ITPKA: variants seen among roughly 807,000 people sequenced by gnomAD.
The protein encoded by ITPKA is inositol-trisphosphate 3-kinase A.
ITPKA carries 16 observed loss-of-function variants against 40.7 expected under a neutral mutation model. The ratio of observed to expected loss-of-function variants is 0.39; its 90% CI spans 0.27 to 0.60. ITPKA has a LOEUF of 0.60. ITPKA is among the 20% of genes least tolerant of loss of function. ITPKA has a pLI of 0.50. For missense variants in ITPKA, 540 were observed against 649.3 expected, an observed-to-expected ratio of 0.83 and a Z score of 1.83; for synonymous variants, 313 against 289.9, an observed-to-expected ratio of 1.08 and a Z score of -0.81.
intron 1 of ITPKA, among the ~76,000 whole-genome samples, chr15:41,496,666 T>G (rs2051074790): frequency 6.6e-6 from 1 of 152,150 alleles, no homozygotes; most frequent in Admixed American, 6.5e-5. Flanking sequence ...CCAGGATAGG[T>G]AAGGAGACCT....
chr15:41,501,396 T>G (rs1227709335), intron 1 of ITPKA, 67 bp from the exon 2 acceptor site: 1 of 1,545,222 alleles, frequency 6.5e-7, no homozygotes, highest in Non-Finnish European at 8.7e-7. Flanking sequence ...AGACCCTGTT[T>G]CAGTGGAGGG....
Position 41,494,376 on chromosome 15 carries a change from G to C in ITPKA, c.449G>C (p.Arg150Pro). The C allele has an allele frequency of 6.7e-7, 1 of 1,496,882 alleles. No individual in the cohort carries two copies. Among genetic ancestry groups the C allele is most frequent in the Non-Finnish European group, 8.9e-7 (1 of 1,126,814 alleles). 92.7% of individuals were successfully genotyped at this position (1,496,882 alleles called of 1,614,324 possible). A position where few individuals can be genotyped will look rare whatever the true frequency, so the allele number is the denominator to read the frequency against. Residue 150 changes from arginine to proline, a missense_variant, in exon 1 of 7, where the codon CGC becomes CCC. Coordinates refer to ENST00000260386, the MANE Select transcript of ITPKA (RefSeq NM_002220.3). This position sits in a 1 kb window ranked among gnomAD's most constrained non-coding sequence, Gnocchi z 7.8. ...DLLSDSESRS[R>P]GNVQLEAGED... is the part of the protein sequence containing the mutation. ...CTGAGCGACAGTGAGAGCCGGAGCC[G>C]CGGCAACGTGCAGCTGGAAGCGGGC... is the stretch of plus-strand genomic sequence containing the variant.
In ITPKA at chr15:41,501,990, C is replaced by T. The variant is rs187061864; in HGVS notation, c.804-7C>T. ...TCATGCCCTGGCCGCTGCCTGCGCC[C>T]CCACAGGACTTACCTAGAGGAGGAG... On this transcript the variant is annotated splice_region_variant and splice_polypyrimidine_tract_variant and intron_variant, in intron 3 of 6. Coordinates refer to ENST00000260386, the MANE Select transcript of ITPKA (RefSeq NM_002220.3). 613 of 1,611,218 alleles carry T rather than the reference C, an allele frequency of 3.8e-4. 2 individuals are homozygous for T. In the East Asian group the frequency reaches 0.013, roughly 34 times the overall value.
chr15:41,501,897 C>T (rs1201959000), intron 3 of ITPKA, 46 bp downstream of exon 3: 4 of 1,597,026 alleles, frequency 2.5e-6, no homozygotes, highest in African/African-American at 2.7e-5. Flanking sequence ...AGTAGGGGTC[C>T]GGGGCCGGGA....
chr15:41,502,247 G>C (rs753458365), intron 4 of ITPKA, 46 bp downstream of exon 4: 1 of 1,530,722 alleles, frequency 6.5e-7, no homozygotes, highest in Non-Finnish European at 8.8e-7. Context: ...CCCACTGCGC[G>C]CTGTCTTTCC....
intron 1 of ITPKA, among the ~76,000 whole-genome samples, chr15:41,495,959 G>C (rs2051067712): frequency 6.6e-6 from 1 of 152,158 alleles, no homozygotes; most frequent in Non-Finnish European, 1.5e-5. Flanking sequence ...GTCAAGCCTC[G>C]GGGACCTGGG....
Position 41,494,212 on chromosome 15 carries a change from C to T in ITPKA, c.285C>T (p.Ser95=), listed in dbSNP as rs1241309513. 26 of 1,532,724 alleles carry T rather than the reference C, an allele frequency of 1.7e-5. No individual in the cohort carries two copies. The highest frequency in any genetic ancestry group is 1.9e-4 in the Middle Eastern group (1 of 5,204). The allele number at this position is 1,532,724 out of a possible 1,614,324, so 94.9% of individuals were successfully genotyped here. A position where few individuals can be genotyped will look rare whatever the true frequency, so the allele number is the denominator to read the frequency against. The part of the protein sequence containing the change: ...TAEEPDVPPT[S]PGPPERERDC... ...AGGAGCCCGACGTGCCCCCGACCAG[C>T]CCTGGGCCGCCGGAGCGGGAGAGGG... The change falls in exon 1 of 7, where the codon AGC becomes AGT. Residue 95 remains serine (S), a synonymous_variant. Coordinates refer to ENST00000260386, the MANE Select transcript of ITPKA (RefSeq NM_002220.3). This position sits in a 1 kb window ranked among gnomAD's most constrained non-coding sequence, Gnocchi z 7.8.
At chr15:41,495,902 G>C (rs2051067434) in intron 1 of ITPKA, among the ~76,000 whole-genome samples, 1 of 152,264 alleles carries the variant, frequency 6.6e-6, no homozygotes, top group Non-Finnish European at 1.5e-5. Flanking sequence ...TGCGCTAGGA[G>C]GAGGTCCTGC....
intron 1 of ITPKA, among the ~76,000 whole-genome samples, chr15:41,496,632 A>G (rs2051074348): frequency 6.6e-6 from 1 of 152,158 alleles, no homozygotes; most frequent in Non-Finnish European, 1.5e-5. Context: ...GCTCCTGTTC[A>G]TCTGGTTTTC....
At position 41,494,051 on chromosome 15, in the gene ITPKA, T is replaced by C; in HGVS notation, c.124T>C (p.Cys42Arg). ...GCTGCGCCTGCTCTTCGAGGCGCGCTGTGCGGCGGTCGCTGCGGCCGCCGC... is the reference window on the plus strand; with the variant it reads ...GCTGCGCCTGCTCTTCGAGGCGCGCCGTGCGGCGGTCGCTGCGGCCGCCGC... Reference protein sequence around the residue: ...GELRLLFEARCAAVAAAAAAG... With the variant: ...GELRLLFEARRAAVAAAAAAG... The change falls in exon 1 of 7, where the codon TGT (cysteine) becomes CGT (arginine). Residue 42 changes from cysteine to arginine, a missense_variant. Transcript: ENST00000260386. This position sits in a 1 kb window ranked among gnomAD's most constrained non-coding sequence, Gnocchi z 7.8. The C allele has an allele frequency of 8.2e-7, 1 of 1,217,330 alleles. No homozygotes were observed. The highest frequency in any genetic ancestry group is 4.4e-5 in the Admixed American group (1 of 22,656). 75.4% of individuals were successfully genotyped at this position (1,217,330 alleles called of 1,614,324 possible). A position where few individuals can be genotyped will look rare whatever the true frequency, so the allele number is the denominator to read the frequency against.
At chr15:41,496,213 G>A (rs1279454783) in intron 1 of ITPKA, among the ~76,000 whole-genome samples, 1 of 152,264 alleles carries the variant, frequency 6.6e-6, no homozygotes, top group East Asian at 1.9e-4. Context: ...ACAGCGCGCC[G>A]GCCCAGGCCA....
chr15:41,499,877 CAAAA>C (rs944156910), intron 1 of ITPKA, among the ~76,000 whole-genome samples: 34 of 151,360 alleles, frequency 2.2e-4, no homozygotes, highest in African/African-American at 8.3e-4. Context: ...AAAACAAAAA[CAAAA>C]AACAAAAAAC....
chr15:41,495,658 T>C (rs1566856433), intron 1 of ITPKA, among the ~76,000 whole-genome samples: 1 of 152,196 alleles, frequency 6.6e-6, no homozygotes, highest in East Asian at 1.9e-4. Context: ...GGATCGTTTC[T>C]GGGGTAACCC....
chr15:41,498,306 C>CA (rs761859856), intron 1 of ITPKA, among the ~76,000 whole-genome samples: 23,735 of 73,334 alleles, frequency 0.32, 2,996 homozygotes, highest in Non-Finnish European at 0.38. Flanking sequence ...GACCTTGTCT[C>CA]AAAAAAAAAA....
At chr15:41,500,321 C>T (rs1024026318) in intron 1 of ITPKA, among the ~76,000 whole-genome samples, 3 of 152,218 alleles carry the variant, frequency 2.0e-5, no homozygotes, top group Admixed American at 6.5e-5. Context: ...GTGCCCTGGG[C>T]CTTGCCAGCT....
chr15:41,494,092 G>T lies in ITPKA; in HGVS notation c.165G>T (p.Arg55=), dbSNP rs1237826915. Residue 55 remains arginine, a synonymous_variant, in exon 1 of 7, where the codon CGG becomes CGT. Coordinates refer to ENST00000260386, the MANE Select transcript of ITPKA (RefSeq NM_002220.3). This position sits in a 1 kb window ranked among gnomAD's most constrained non-coding sequence, Gnocchi z 7.8. ...VAAAAAAGEP[R]ARGAKRRGGQ... ...CGGCCGCCGCCGCGGGGGAGCCCCG[G>T]GCCCGCGGGGCCAAGCGGCGTGGGG... 6 of 1,282,580 alleles carry T rather than the reference G, an allele frequency of 4.7e-6. No individual in the cohort carries two copies. In the East Asian group the frequency reaches 1.9e-4, roughly 40 times the overall value. The allele number at this position is 1,282,580 out of a possible 1,614,324, so 79.4% of individuals were successfully genotyped here.
Position 41,503,440 on chromosome 15 carries a change from T to G in ITPKA, c.*274T>G. ...CAGGCCAGCTCTTCTGAGGAGGCTCTGCCCTCTCCAGAGGTGCCAGACCGC... is the reference window on the plus strand; with the variant it reads ...CAGGCCAGCTCTTCTGAGGAGGCTCGGCCCTCTCCAGAGGTGCCAGACCGC... On this transcript the variant is annotated 3_prime_UTR_variant, in exon 7 of 7. Transcript: ENST00000260386. 1 of 614,842 alleles carries G rather than the reference T, an allele frequency of 1.6e-6. No individual in the cohort carries two copies. The allele number at this position is 614,842 out of a possible 1,614,324, so 38.1% of individuals were successfully genotyped here.
intron 4 of ITPKA, 58 bp downstream of exon 4, chr15:41,502,259 G>A (rs2051119774): frequency 6.6e-7 from 1 of 1,506,934 alleles, no homozygotes; most frequent in South Asian, 1.2e-5. Context: ...TGTCTTTCCC[G>A]ATCCCCCGCT....
Position 41,503,426 on chromosome 15 carries a change from T to G in ITPKA, c.*260T>G. Reference sequence around the variant, plus strand: ...AAGGGCTTCTTCCTCAGGCCAGCTCTTCTGAGGAGGCTCTGCCCTCTCCAG... The same window carrying G: ...AAGGGCTTCTTCCTCAGGCCAGCTCGTCTGAGGAGGCTCTGCCCTCTCCAG... On this transcript the variant is annotated 3_prime_UTR_variant, in exon 7 of 7. Coordinates refer to ENST00000260386, the MANE Select transcript of ITPKA (RefSeq NM_002220.3). 9 of 598,642 alleles carry G rather than the reference T, an allele frequency of 1.5e-5. 1 individual carries two copies. The highest frequency in any genetic ancestry group is 1.4e-4 in the South Asian group (8 of 57,640). 37.1% of individuals were successfully genotyped at this position (598,642 alleles called of 1,614,324 possible). A position where few individuals can be genotyped will look rare whatever the true frequency, so the allele number is the denominator to read the frequency against.
Sources: allele counts gnomAD v4.1 joint callset (sites outside exome capture counted in the v4.1 genomes callset), GRCh38; gene constraint gnomAD v4.1.1; non-coding constraint Gnocchi (gnomAD v3.1); transcripts MANE v1.5; gene names NCBI Gene and HGNC (gene_info 2026-07-23, HGNC 2026-07-21).